The following CWF19L2 variants were observed in gnomAD, a reference collection of about 807,000 sequenced individuals.
CWF19L2 encodes the protein CWF19-like protein 2.
Under a neutral mutation model 111.7 loss-of-function variants are expected in CWF19L2, and 98 were observed. That is an observed-to-expected ratio of 0.88 (90% CI 0.75 to 1.04). The LOEUF is 1.04. CWF19L2 is among the 50% of genes least tolerant of loss of function. The pLI is 0.00. For missense variants in CWF19L2, 1,101 were observed against 1,051.4 expected (o/e 1.05, Z -0.65); for synonymous variants, 351 against 342.9 (o/e 1.02, Z -0.26).
At chr11:107,345,010 T>C (rs547805042) in intron 14 of CWF19L2, among the ~76,000 whole-genome samples, 1 of 152,258 alleles carries the variant, frequency 6.6e-6, no homozygotes, top group South Asian at 2.1e-4. Context: ...CTTCCACTGA[T>C]ACTATCCTGA....
chr11:107,350,437 A>T (rs1396752523), intron 13 of CWF19L2, among the ~76,000 whole-genome samples: 3 of 152,120 alleles, frequency 2.0e-5, no homozygotes, highest in Admixed American at 6.6e-5. Context: ...TATGAATGGG[A>T]TTAATTATCT....
chr11:107,356,969 C>T (rs1161180357), intron 12 of CWF19L2, among the ~76,000 whole-genome samples: 7 of 152,034 alleles, frequency 4.6e-5, no homozygotes, highest in African/African-American at 1.5e-4. Context: ...ACCCAGGAGG[C>T]GGAGGTTGCT....
At chr11:107,357,771 A>G (rs1860260092) in intron 12 of CWF19L2, among the ~76,000 whole-genome samples, 1 of 152,186 alleles carries the variant, frequency 6.6e-6, no homozygotes, top group African/African-American at 2.4e-5. Flanking sequence ...TCAATCATAT[A>G]TACCTCTTCT....
intron 8 of CWF19L2, among the ~76,000 whole-genome samples, chr11:107,424,440 T>A (rs1285289941): frequency 7.6e-6 from 1 of 131,782 alleles, no homozygotes; most frequent in Non-Finnish European, 1.7e-5. Flanking sequence ...CTGGCTTCTA[T>A]ACACCCTTTT....
chr11:107,383,158 G>A (rs1016416715), intron 12 of CWF19L2, among the ~76,000 whole-genome samples: 6 of 152,110 alleles, frequency 3.9e-5, no homozygotes, highest in African/African-American at 9.7e-5. Context: ...CAAATTAATC[G>A]TACCCGAAGT....
In CWF19L2 at chr11:107,336,595, G is replaced by T; in HGVS notation, c.2321C>A (p.Pro774His). 1 of 1,603,674 alleles carries T rather than the reference G, an allele frequency of 6.2e-7. No individual in the cohort carries two copies. The highest frequency in any genetic ancestry group is 2.2e-5 in the East Asian group (1 of 44,544). Residue 774 changes from proline to histidine, a missense_variant, in exon 15 of 18, where the codon CCC (proline) becomes CAC (histidine). Pro to His is a moderately conservative substitution (Grantham distance 77). Transcript: ENST00000282251. Reference protein sequence around the residue: ...YHMVYECIPLPKEVGDMAPIY... With the variant: ...YHMVYECIPLHKEVGDMAPIY... ...GGGAGCCATGTCACCCACTTCCTTGGGAAGAGGAATACATTCATAAACCAT... is the reference window on the plus strand; with the variant it reads ...GGGAGCCATGTCACCCACTTCCTTGTGAAGAGGAATACATTCATAAACCAT...
At chr11:107,435,718 G>A (rs1861531524) in intron 6 of CWF19L2, among the ~76,000 whole-genome samples, 1 of 151,004 alleles carries the variant, frequency 6.6e-6, no homozygotes, top group Non-Finnish European at 1.5e-5. Flanking sequence ...AAGTCTTTTT[G>A]GTAAGAAAAA....
Position 107,410,487 on chromosome 11 carries a change from C to G in CWF19L2, c.1617+5722G>C, listed in dbSNP as rs80192060. ...AAATATGCCTTTCTGGTCAAAGAAT[C>G]CTTAGGGGAAAAAAAAGCTTTCTAT... On this transcript the variant is annotated intron_variant, in intron 10 of 17. Coordinates refer to ENST00000282251, the MANE Select transcript of CWF19L2 (RefSeq NM_152434.3). Among the ~76,000 whole-genome samples, 1,399 of 152,098 alleles carry G rather than the reference C, an allele frequency of 9.2e-3. 20 individuals carry two copies. Among genetic ancestry groups the G allele is most frequent in the African/African-American group, 0.032 (1,331 of 41,504 alleles).
At chr11:107,407,367 G>A (rs1310109985) in intron 10 of CWF19L2, among the ~76,000 whole-genome samples, 1 of 149,776 alleles carries the variant, frequency 6.7e-6, no homozygotes, top group African/African-American at 2.5e-5. Flanking sequence ...ATAATTATGT[G>A]ACATCGTCCC....
At chr11:107,397,548 T>C (rs1860942206) in intron 10 of CWF19L2, among the ~76,000 whole-genome samples, 1 of 150,724 alleles carries the variant, frequency 6.6e-6, no homozygotes, top group Non-Finnish European at 1.5e-5. Context: ...CAGGCAGGCC[T>C]AGCCCCGCCC....
At chr11:107,420,291 A>G (rs1267935207) in intron 8 of CWF19L2, among the ~76,000 whole-genome samples, 2 of 152,158 alleles carry the variant, frequency 1.3e-5, no homozygotes, top group Admixed American at 6.5e-5. Flanking sequence ...AAATACACAG[A>G]CATACGTATG....
chr11:107,364,414 T>C (rs1232146987), intron 12 of CWF19L2, among the ~76,000 whole-genome samples: 1 of 148,512 alleles, frequency 6.7e-6, no homozygotes. Flanking sequence ...ATTGACCACA[T>C]ACTTGGAAGT....
Position 107,353,922 on chromosome 11 carries a change from T to G in CWF19L2, c.1873-186A>C, listed in dbSNP as rs868619824. On this transcript the variant is annotated intron_variant, in intron 12 of 17. Coordinates refer to ENST00000282251, the MANE Select transcript of CWF19L2 (RefSeq NM_152434.3). ...AATCTATCATCATCATCACCACAGC[T>G]AAAGTTTACTGAATATTTACTATAT... Among the ~76,000 whole-genome samples the G allele has an allele frequency of 6.6e-5, 10 of 152,304 alleles. 1 individual carries two copies. The South Asian group carries it at 1.9e-3, about 28-fold the overall frequency.
intron 10 of CWF19L2, among the ~76,000 whole-genome samples, chr11:107,394,242 C>A (rs997837691): frequency 6.6e-6 from 1 of 152,156 alleles, no homozygotes; most frequent in African/African-American, 2.4e-5. Context: ...ACACACAATA[C>A]TAAATTGATA....
At chr11:107,337,481 T>C (rs964791205) in intron 14 of CWF19L2, among the ~76,000 whole-genome samples, 4 of 152,102 alleles carry the variant, frequency 2.6e-5, no homozygotes, top group South Asian at 4.2e-4. Flanking sequence ...TGGTCCAGGA[T>C]GTCTGCATGC....
chr11:107,354,188 C>T (rs183158164), intron 12 of CWF19L2, among the ~76,000 whole-genome samples: 1 of 151,390 alleles, frequency 6.6e-6, no homozygotes, highest in African/African-American at 2.4e-5. Flanking sequence ...TTTCAAAATA[C>T]AAAAACACAA....
At chr11:107,357,847 C>T (rs1860261247) in intron 12 of CWF19L2, among the ~76,000 whole-genome samples, 1 of 151,974 alleles carries the variant, frequency 6.6e-6, no homozygotes, top group Non-Finnish European at 1.5e-5. Flanking sequence ...AACAGATAGA[C>T]TGGTAAAAGA....
At chr11:107,380,046 CAAAAAAAAAA>C (rs66699460) in intron 12 of CWF19L2, among the ~76,000 whole-genome samples, 5 of 34,490 alleles carry the variant, frequency 1.4e-4, no homozygotes, top group Non-Finnish European at 2.6e-4. Context: ...GACACCGTCT[CAAAAAAAAAA>C]AAAAAAAAAA....
At chr11:107,433,802 T>A in intron 6 of CWF19L2, 53 bp from the exon 7 acceptor site, 1 of 688,034 alleles carries the variant, frequency 1.5e-6, no homozygotes. Context: ...TATCATACAA[T>A]TAATATGTAT....
Sources: gnomAD v4.1 joint callset for allele counts (sites outside exome capture counted in the v4.1 genomes callset) on GRCh38, gnomAD v4.1.1 for gene constraint, MANE v1.5 for transcripts, NCBI Gene and HGNC (gene_info 2026-07-23, HGNC 2026-07-21) for gene names.